The following APBA2 variants were observed in gnomAD, a reference collection of about 807,000 sequenced individuals.
The protein encoded by APBA2 is amyloid beta precursor protein binding family A member 2, also known as amyloid-beta A4 precursor protein-binding family A member 2.
In APBA2, 30 loss-of-function variants were observed where a neutral mutation model predicts 75.0. The observed-to-expected ratio is 0.40, with a 90% CI of 0.30 to 0.54. APBA2 has a LOEUF of 0.54. Ranked by LOEUF, APBA2 falls within the 20% of genes least tolerant of loss-of-function variation. APBA2 has a pLI of 0.49. For missense variants in APBA2, 801 were observed against 1,016.1 expected, an observed-to-expected ratio of 0.79 and a Z score of 2.88; for synonymous variants, 444 against 409.6, an observed-to-expected ratio of 1.08 and a Z score of -1.01.
At chr15:29,116,472 A>C (rs1378778607) in intron 14 of APBA2, among the ~76,000 whole-genome samples, 2 of 150,740 alleles carry the variant, frequency 1.3e-5, no homozygotes, top group African/African-American at 2.4e-5. Context: ...TAAAAAATAC[A>C]AAAAAATTCG....
intron 6 of APBA2, among the ~76,000 whole-genome samples, chr15:29,089,049 TC>T: frequency 6.6e-6 from 1 of 152,130 alleles, no homozygotes; most frequent in East Asian, 1.9e-4. Flanking sequence ...CAGAGCAGCC[TC>T]CCTGTCCCTT....
At chr15:28,984,588 C>A (rs963614756) in intron 2 of APBA2, among the ~76,000 whole-genome samples, 1 of 152,002 alleles carries the variant, frequency 6.6e-6, no homozygotes, top group African/African-American at 2.4e-5. Flanking sequence ...GCTGTGGTTA[C>A]CACTCATTAG....
chr15:29,080,319 C>A (rs1056243386), intron 6 of APBA2, among the ~76,000 whole-genome samples: 2 of 152,228 alleles, frequency 1.3e-5, no homozygotes, highest in Non-Finnish European at 2.9e-5. Flanking sequence ...CCACACTGCA[C>A]TGCCTGGCGA....
At chr15:29,103,575 G>T (rs1335920350) in intron 10 of APBA2, among the ~76,000 whole-genome samples, 1 of 152,224 alleles carries the variant, frequency 6.6e-6, no homozygotes, top group Admixed American at 6.5e-5. Flanking sequence ...GCACACCAGC[G>T]GCCCAGATGA....
intron 4 of APBA2, among the ~76,000 whole-genome samples, chr15:29,056,599 TCCCTCCCTCCC>T (rs1485923762): frequency 0.26 from 861 of 3,264 alleles, 76 homozygotes; most frequent in East Asian, 0.54. Context: ...CCTCCCTCCC[TCCCTCCCTCCC>T]TCCTTCTCTC....
chr15:28,942,552 G>T (rs2035291510), intron 2 of APBA2, among the ~76,000 whole-genome samples: 1 of 152,192 alleles, frequency 6.6e-6, no homozygotes, highest in African/African-American at 2.4e-5. Context: ...ACTCGGTGTG[G>T]TTTTTTCCAG....
intron 13 of APBA2, among the ~76,000 whole-genome samples, chr15:29,113,494 G>A (rs990441027): frequency 1.3e-5 from 2 of 152,046 alleles, no homozygotes; most frequent in African/African-American, 4.8e-5. Context: ...TTTCCCGCCC[G>A]CCCATCAGCT....
At chr15:28,899,135 G>A (rs1313639885) in intron 1 of APBA2, among the ~76,000 whole-genome samples, 1 of 152,196 alleles carries the variant, frequency 6.6e-6, no homozygotes, top group Non-Finnish European at 1.5e-5. Flanking sequence ...AGAACTCATC[G>A]GGGGCAGCCC....
chr15:28,904,755 G>A (rs1469477589), intron 1 of APBA2, among the ~76,000 whole-genome samples: 1 of 152,216 alleles, frequency 6.6e-6, no homozygotes, highest in Non-Finnish European at 1.5e-5. Context: ...CAGACTCCCT[G>A]TGACCCAGCT....
At chr15:29,014,704 G>GTT (rs531887593) in intron 3 of APBA2, among the ~76,000 whole-genome samples, 25,740 of 125,460 alleles carry the variant, frequency 0.21, 4,906 homozygotes, top group African/African-American at 0.5. Flanking sequence ...TCATTTGACT[G>GTT]TTTTTTTTTT....
intron 2 of APBA2, among the ~76,000 whole-genome samples, chr15:28,994,839 A>G (rs2038425433): frequency 6.6e-6 from 1 of 152,158 alleles, no homozygotes; most frequent in East Asian, 1.9e-4. Flanking sequence ...TGCAGACCCC[A>G]GGACCAGATT....
At chr15:28,956,744 C>T (rs1286625086) in intron 2 of APBA2, among the ~76,000 whole-genome samples, 1 of 152,166 alleles carries the variant, frequency 6.6e-6, no homozygotes, top group Admixed American at 6.5e-5. Flanking sequence ...CCTCCCCTCA[C>T]CCCCTGGCAC....
At chr15:28,894,962 C>G (rs1305557973) in intron 1 of APBA2, among the ~76,000 whole-genome samples, 2 of 152,116 alleles carry the variant, frequency 1.3e-5, no homozygotes, top group Non-Finnish European at 2.9e-5. Context: ...TTGGGGGGCT[C>G]CAGAGCCCGC....
rs549661784 is a variant in APBA2 at position 28,942,050 on chromosome 15, C to T, written c.-95+20301C>T. Among the ~76,000 whole-genome samples the T allele has an allele frequency of 2.2e-4, 33 of 152,348 alleles. No individual in the cohort carries two copies. In the South Asian group the frequency reaches 5.6e-3, roughly 26 times the overall value. On this transcript the variant is annotated intron_variant, in intron 2 of 14. Coordinates refer to ENST00000683413, the MANE Select transcript of APBA2 (RefSeq NM_001353788.2). ...CTGGGATTACAGGCGTGAGCCACTGCGCCTGGCCTCATAGCCATTTATTAA... is the reference window on the plus strand; with the variant it reads ...CTGGGATTACAGGCGTGAGCCACTGTGCCTGGCCTCATAGCCATTTATTAA...
intron 2 of APBA2, among the ~76,000 whole-genome samples, chr15:28,930,927 C>T (rs1367551211): frequency 6.6e-6 from 1 of 152,204 alleles, no homozygotes; most frequent in Non-Finnish European, 1.5e-5. Flanking sequence ...GGCAGCTCCT[C>T]CTTGGGCAGC....
At chr15:29,034,581 G>C (rs2040650279) in intron 3 of APBA2, among the ~76,000 whole-genome samples, 1 of 152,212 alleles carries the variant, frequency 6.6e-6, no homozygotes, top group Non-Finnish European at 1.5e-5. Context: ...GTGTTAGGAA[G>C]GGTGTATGCA....
intron 2 of APBA2, among the ~76,000 whole-genome samples, chr15:28,963,336 G>A (rs145491390): frequency 1.5e-4 from 23 of 152,328 alleles, no homozygotes; most frequent in Admixed American, 2.6e-4. Flanking sequence ...AGGCCCGGCA[G>A]GGGCATTGTT....
chr15:29,113,541 C>G (rs74430526), intron 13 of APBA2, among the ~76,000 whole-genome samples: 1 of 152,028 alleles, frequency 6.6e-6, no homozygotes, highest in Non-Finnish European at 1.5e-5. Flanking sequence ...CAGGCTGTGC[C>G]GTAGGAGGCC....
intron 2 of APBA2, among the ~76,000 whole-genome samples, chr15:28,972,118 G>T (rs1325098111): frequency 6.6e-6 from 1 of 152,160 alleles, no homozygotes; most frequent in Non-Finnish European, 1.5e-5. Context: ...GAAATTAATA[G>T]TAAATGATAA....
Sources: allele counts gnomAD v4.1 joint callset (sites outside exome capture counted in the v4.1 genomes callset), GRCh38; gene constraint gnomAD v4.1.1; transcripts MANE v1.5; gene names NCBI Gene and HGNC (gene_info 2026-07-23, HGNC 2026-07-21).